The following WNK1 variants were observed in gnomAD, a reference collection of about 807,000 sequenced individuals.
WNK1 encodes WNK lysine deficient protein kinase 1.
WNK1 carries 38 observed loss-of-function variants against 222.8 expected under a neutral mutation model. The ratio of observed to expected loss-of-function variants is 0.17; its 90% CI spans 0.13 to 0.22. The LOEUF is 0.22. Ranked by LOEUF, WNK1 falls within the 10% of genes least tolerant of loss-of-function variation. The pLI is 1.00. For synonymous variants in WNK1, 1,090 were observed against 1,092.9 expected (o/e 1.00, Z 0.05); for missense variants, 2,348 against 2,918.4 (o/e 0.80, Z 4.50).
chr12:765,933 G>A (rs1351148170), intron 1 of WNK1, among the ~76,000 whole-genome samples: 2 of 151,318 alleles, frequency 1.3e-5, no homozygotes, highest in African/African-American at 4.8e-5. Context: ...TTGGGAAACT[G>A]TACAAAGGAT....
chr12:880,935 T>C lies in WNK1; in HGVS notation c.3047T>C (p.Val1016Ala). Residue 1016 changes from valine to alanine, a missense_variant, in exon 12 of 28, where the codon GTG becomes GCG. Transcript: ENST00000315939. Reference sequence around the variant, plus strand: ...GGTGGTGTAGGAGGACAGGTTCAAGTGTCCCAGCCAGGAGGGAGTTTAGCA... The same window carrying C: ...GGTGGTGTAGGAGGACAGGTTCAAGCGTCCCAGCCAGGAGGGAGTTTAGCA... ...PMGGVGGQVQVSQPGGSLAQA... is the reference protein window; with the variant it reads ...PMGGVGGQVQASQPGGSLAQA... 4 of 1,614,170 alleles carry C rather than the reference T, an allele frequency of 2.5e-6. No homozygotes were observed. The highest frequency in any genetic ancestry group is 3.4e-6 in the Non-Finnish European group (4 of 1,180,022).
intron 3 of WNK1, among the ~76,000 whole-genome samples, chr12:828,777 T>C (rs1948570217): frequency 6.6e-6 from 1 of 152,192 alleles, no homozygotes; most frequent in South Asian, 2.1e-4. Context: ...GAAGAGGATA[T>C]CACAATTTAA....
chr12:889,691 G>A (rs1041195050), intron 21 of WNK1, among the ~76,000 whole-genome samples: 4 of 152,074 alleles, frequency 2.6e-5, no homozygotes, highest in Non-Finnish European at 4.4e-5. Context: ...GGTGGTGCAC[G>A]CCTGTAGTCC....
chr12:852,950 A>G (rs1950518710), intron 4 of WNK1, among the ~76,000 whole-genome samples: 4 of 152,172 alleles, frequency 2.6e-5, no homozygotes, highest in African/African-American at 9.7e-5. Context: ...TAAATGATTC[A>G]GAATACCTCA....
At chr12:899,863 A>AG (rs980382439) in intron 25 of WNK1, among the ~76,000 whole-genome samples, 47 of 151,914 alleles carry the variant, frequency 3.1e-4, no homozygotes, top group African/African-American at 1.1e-3. Context: ...TAGGGTAAAA[A>AG]AAAAAGCAAT....
In WNK1 at chr12:909,673, G is replaced by C. The variant is rs1955955616; in HGVS notation, c.*881G>C. The C allele has an allele frequency of 6.6e-6, 1 of 152,154 alleles. No individual in the cohort carries two copies. Among genetic ancestry groups the C allele is most frequent in the Non-Finnish European group, 1.5e-5 (1 of 68,034 alleles). The allele number at this position is 152,154 out of a possible 1,614,324, so 9.4% of individuals were successfully genotyped here. A position where few individuals can be genotyped will look rare whatever the true frequency, so the allele number is the denominator to read the frequency against. On this transcript the variant is annotated 3_prime_UTR_variant, in exon 28 of 28. Transcript: ENST00000315939. ...TGTACTTGAATACTTCTGTTTCCCA[G>C]TGTTGCTTGCTGGACATTTTAGTGC...
chr12:873,009 AAACATATTTTTGCC>A (rs1952288782), intron 9 of WNK1, among the ~76,000 whole-genome samples: 1 of 152,210 alleles, frequency 6.6e-6, no homozygotes, highest in Non-Finnish European at 1.5e-5. Flanking sequence ...AAATTCAAGT[AAACATATTTTTGCC>A]AACCTTAACA....
rs780606468 is a variant in WNK1, at chr12:884,967, C to T, written c.4163C>T (p.Thr1388Ile). The T allele has an allele frequency of 1.9e-6, 3 of 1,614,210 alleles. No homozygotes were observed. The South Asian group carries it at 3.3e-5, about 18-fold the overall frequency. Residue 1388 changes from threonine (T) to isoleucine (I), a missense_variant, in exon 19 of 28, where the codon ACC becomes ATC. This residue lies in a region of WNK1 where 1,144 missense variants were observed against 1,273.6 expected (regional missense o/e 0.90). Transcript: ENST00000315939. This position sits in a 1 kb window ranked among gnomAD's most constrained non-coding sequence, Gnocchi z 5.6. ...PTEEGIAGVA[T>I]STGVVTSGGL... ...GAAGAGGGGATTGCTGGAGTTGCCA[C>T]CAGCACAGGTGTGGTAACTTCAGGT...
In WNK1 at chr12:865,251, G is replaced by C. The variant is rs573192786; in HGVS notation, c.2139+2981G>C. ...CTCCTTCCCTCCTCCGGACTGCCCC[G>C]AGGAAACTTTTGCCGAAAAGCTTTC... On this transcript the variant is annotated intron_variant, in intron 8 of 27. Transcript: ENST00000315939. The C allele has an allele frequency of 1.3e-6, 2 of 1,535,996 alleles. No homozygotes were observed. Among genetic ancestry groups the C allele is most frequent in the Admixed American group, 2.0e-5 (1 of 50,986 alleles).
intron 4 of WNK1, among the ~76,000 whole-genome samples, chr12:839,947 C>T (rs1452134351): frequency 2.0e-5 from 3 of 147,576 alleles, no homozygotes; most frequent in African/African-American, 2.5e-5. Context: ...ATGCTGCTCT[C>T]GAACTCCTGA....
chr12:869,256 A>G (rs1951939680), intron 8 of WNK1: 3 of 1,115,486 alleles, frequency 2.7e-6, no homozygotes, highest in Non-Finnish European at 4.1e-6. Flanking sequence ...GGGGTTGTGA[A>G]CTACATATAT....
chr12:868,046 C>T lies in WNK1; in HGVS notation c.2140-3219C>T, dbSNP rs111033592. ...CCTGGAAGCCCAAACTCACCACTTC[C>T]AACCCCTGCTGAGGACTGTTGGCCA... On this transcript the variant is annotated intron_variant, in intron 8 of 27. Coordinates refer to ENST00000315939, the MANE Select transcript of WNK1 (RefSeq NM_018979.4). The T allele has an allele frequency of 6.2e-7, 1 of 1,613,900 alleles. No homozygotes were observed. Among genetic ancestry groups the T allele is most frequent in the Admixed American group, 1.7e-5 (1 of 60,006 alleles).
chr12:782,027 A>T (rs1943762290), intron 1 of WNK1, among the ~76,000 whole-genome samples: 3 of 152,198 alleles, frequency 2.0e-5, no homozygotes. Flanking sequence ...TTCATCTGAA[A>T]ATGACAATTT....
At chr12:754,726 C>A (rs1939722314) in intron 1 of WNK1, among the ~76,000 whole-genome samples, 1 of 152,114 alleles carries the variant, frequency 6.6e-6, no homozygotes, top group South Asian at 2.1e-4. Flanking sequence ...TGTTTTCATT[C>A]CTGAGATCAG....
intron 26 of WNK1, chr12:901,069 C>G (rs1955212802): frequency 3.2e-6 from 1 of 317,154 alleles, no homozygotes; most frequent in South Asian, 2.9e-5. Flanking sequence ...GAGTGGCATA[C>G]TAAAATGAAT....
At position 883,898 on chromosome 12, in the gene WNK1, G is replaced by C; in HGVS notation, c.3721+67G>C. On this transcript the variant is annotated intron_variant, in intron 17 of 27. Transcript: ENST00000315939. The stretch of plus-strand genomic sequence containing the variant: ...AAGCCATTAGCCGAGGGTGGTGGCA[G>C]GCTTCTGTAGTCCCAGCTACTCAGG... The C allele has an allele frequency of 1.9e-6, 3 of 1,583,278 alleles. No homozygotes were observed. The South Asian group carries it at 3.3e-5, about 18-fold the overall frequency.
At chr12:896,753 G>T (rs1308374465) in intron 24 of WNK1, 21 bp downstream of exon 24, 2 of 1,606,444 alleles carry the variant, frequency 1.2e-6, no homozygotes, top group African/African-American at 1.4e-5. Flanking sequence ...TTTCTCTTGT[G>T]AAAGAATGTC....
Position 911,170 on chromosome 12 carries a change from G to GT in WNK1, c.*2381dup. 2.5e-6 allele frequency: 1 copy of GT among 397,228 alleles called. No individual in the cohort carries two copies. Among genetic ancestry groups the GT allele is most frequent in the East Asian group, 3.6e-5 (1 of 27,948 alleles). The allele number at this position is 397,228 out of a possible 1,614,324, so 24.6% of individuals were successfully genotyped here. ...AGGAATGAACTAGTGCTACTGAACTGTTTAAATTATTTTTGTGTTAATAGT... is the reference window on the plus strand; with the variant it reads ...AGGAATGAACTAGTGCTACTGAACTGTTTTAAATTATTTTTGTGTTAATAGT... On this transcript the variant is annotated 3_prime_UTR_variant, in exon 28 of 28. Coordinates refer to ENST00000315939, the MANE Select transcript of WNK1 (RefSeq NM_018979.4).
chr12:787,916 G>C (rs1466134164), intron 1 of WNK1, among the ~76,000 whole-genome samples: 2 of 152,122 alleles, frequency 1.3e-5, no homozygotes, highest in Non-Finnish European at 2.9e-5. Flanking sequence ...AGGAGATTTT[G>C]TATATAACAG....
Sources: gnomAD v4.1 joint callset for allele counts (sites outside exome capture counted in the v4.1 genomes callset) on GRCh38, gnomAD v4.1.1 for gene constraint, gnomAD v4.1.1 regional missense constraint, Gnocchi (gnomAD v3.1) non-coding constraint, MANE v1.5 for transcripts, NCBI Gene and HGNC (gene_info 2026-07-23, HGNC 2026-07-21) for gene names.